The following TRPC4AP variants were observed in gnomAD, a reference collection of about 807,000 sequenced individuals.
TRPC4AP encodes short transient receptor potential channel 4-associated protein.
TRPC4AP carries 45 observed loss-of-function variants against 99.0 expected under a neutral mutation model. The observed-to-expected ratio is 0.45, with a 90% confidence interval of 0.36 to 0.58. TRPC4AP has a LOEUF of 0.58. TRPC4AP is among the 20% of genes least tolerant of loss of function. The pLI, the probability that TRPC4AP is intolerant of heterozygous loss-of-function variation, is 0.00. For synonymous variants in TRPC4AP, 408 were observed against 385.8 expected (o/e 1.06, Z -0.67); for missense variants, 879 against 985.3 (o/e 0.89, Z 1.44).
Position 35,024,518 on chromosome 20 carries a change from G to A in TRPC4AP, c.1052-3162C>T, listed in dbSNP as rs146268170. On this transcript the variant is annotated intron_variant, in intron 8 of 18. Coordinates refer to ENST00000252015, the MANE Select transcript of TRPC4AP (RefSeq NM_015638.3). ...TCCCTTTTATTGCTGAATAATATCC[G>A]CTAGTATAAATATATCACATTCTGG... 7.2e-5 allele frequency among the ~76,000 whole-genome samples: 11 copies of A among 152,050 alleles called. No individual in the cohort carries two copies. In the East Asian group the frequency reaches 1.9e-3, roughly 27 times the overall value.
At position 35,021,251 on chromosome 20, in the gene TRPC4AP, A is replaced by G. The variant is rs1296927342; in HGVS notation, c.1157T>C (p.Met386Thr). 4 of 1,614,178 alleles carry G rather than the reference A, an allele frequency of 2.5e-6. No individual in the cohort carries two copies. Among genetic ancestry groups the G allele is most frequent in the Non-Finnish European group, 2.5e-6 (3 of 1,180,024 alleles). Residue 386 changes from methionine (M) to threonine (T), a missense_variant, in exon 9 of 19, where the codon ATG becomes ACG. Coordinates refer to ENST00000252015, the MANE Select transcript of TRPC4AP (RefSeq NM_015638.3). ...GACATAGAGCACTTCCAGTTTGTAC[A>G]TGATCTCATGCATAATCTTCATTGA... is the stretch of plus-strand genomic sequence containing the variant. ...PQSMKIMHEI[M>T]YKLEVLYVLC...
intron 10 of TRPC4AP, among the ~76,000 whole-genome samples, chr20:35,014,397 AAC>A (rs2147280805): frequency 7.0e-6 from 1 of 141,962 alleles, no homozygotes; most frequent in East Asian, 2.1e-4. Context: ...AGCTCACTGC[AAC>A]CTCTGCCTCC....
At chr20:35,045,122 T>C (rs1033824955) in intron 6 of TRPC4AP, among the ~76,000 whole-genome samples, 24 of 152,224 alleles carry the variant, frequency 1.6e-4, no homozygotes, top group Non-Finnish European at 2.9e-4. Flanking sequence ...GGCCTCTGTG[T>C]ATCCCCCATC....
intron 5 of TRPC4AP, among the ~76,000 whole-genome samples, chr20:35,051,366 A>G (rs1046591603): frequency 6.6e-6 from 1 of 152,144 alleles, no homozygotes; most frequent in African/African-American, 2.4e-5. Context: ...ACTATTCACA[A>G]GTACGAATAT....
chr20:35,054,523 A>C (rs905337945), intron 5 of TRPC4AP, among the ~76,000 whole-genome samples: 4 of 152,156 alleles, frequency 2.6e-5, no homozygotes, highest in Non-Finnish European at 4.4e-5. Flanking sequence ...TTTCTACCAG[A>C]TTGCTTTCTT....
intron 9 of TRPC4AP, among the ~76,000 whole-genome samples, chr20:35,017,407 T>TAAG (rs2082779205): frequency 6.6e-6 from 1 of 152,204 alleles, no homozygotes; most frequent in Non-Finnish European, 1.5e-5. Context: ...GAGAGAGGCT[T>TAAG]CACTTATACT....
chr20:35,069,487 G>T, intron 2 of TRPC4AP, 75 bp from the exon 3 acceptor site: 1 of 934,298 alleles, frequency 1.1e-6, no homozygotes, highest in Non-Finnish European at 1.7e-6. Flanking sequence ...ATCAGTTTGA[G>T]CTTTAGTCCC....
chr20:35,032,765 C>T (rs1213027836), intron 8 of TRPC4AP, among the ~76,000 whole-genome samples: 1 of 152,186 alleles, frequency 6.6e-6, no homozygotes, highest in African/African-American at 2.4e-5. Flanking sequence ...AGCCAACGCG[C>T]CCAGCCCTTT....
chr20:35,056,817 TA>T (rs554363992), intron 4 of TRPC4AP, among the ~76,000 whole-genome samples: 87 of 143,578 alleles, frequency 6.1e-4, no homozygotes, highest in Admixed American at 4.9e-4. Flanking sequence ...CCATCTCTAC[TA>T]AAAAAAAAAA....
intron 3 of TRPC4AP, among the ~76,000 whole-genome samples, chr20:35,064,532 T>G (rs1285158445): frequency 6.6e-6 from 1 of 151,964 alleles, no homozygotes; most frequent in Non-Finnish European, 1.5e-5. Context: ...AGCAGCAGAT[T>G]AAAAATAAAA....
At chr20:35,070,093 C>T (rs2084264703) in intron 2 of TRPC4AP, among the ~76,000 whole-genome samples, 2 of 152,292 alleles carry the variant, frequency 1.3e-5, no homozygotes, top group South Asian at 4.1e-4. Context: ...CAGCCAGCAC[C>T]AACCTGCCAG....
chr20:35,089,483 T>C (rs1368734837), intron 1 of TRPC4AP, among the ~76,000 whole-genome samples: 1 of 151,732 alleles, frequency 6.6e-6, no homozygotes, highest in Non-Finnish European at 1.5e-5. Flanking sequence ...CATCCCATCT[T>C]GGTCTCCCAA....
At chr20:35,025,192 T>C (rs963131882) in intron 8 of TRPC4AP, among the ~76,000 whole-genome samples, 1 of 152,184 alleles carries the variant, frequency 6.6e-6, no homozygotes, top group Non-Finnish European at 1.5e-5. Flanking sequence ...TACTATATCA[T>C]TGTGGGGTTT....
At chr20:35,041,493 C>T (rs1247440759) in intron 7 of TRPC4AP, among the ~76,000 whole-genome samples, 1 of 152,084 alleles carries the variant, frequency 6.6e-6, no homozygotes, top group African/African-American at 2.4e-5. Flanking sequence ...CTAGGCTAGT[C>T]ACACAGATAT....
chr20:35,004,475 C>A lies in TRPC4AP; in HGVS notation c.2032G>T (p.Val678Leu). The A allele has an allele frequency of 6.2e-7, 1 of 1,613,778 alleles. No individual in the cohort carries two copies. Among genetic ancestry groups the A allele is most frequent in the Non-Finnish European group, 8.5e-7 (1 of 1,179,834 alleles). ...FLFRLINIIHVQTLTQENVSC... is the reference protein window; with the variant it reads ...FLFRLINIIHLQTLTQENVSC... ...CCTCTCACCTGGGTCAGCGTCTGCA[C>A]GTGGATGATGTTGATGAGGCGGAAG... The change falls in exon 17 of 19, where the codon GTG (valine) becomes TTG (leucine). Residue 678 changes from valine to leucine, a missense_variant. Physicochemically the swap from Val to Leu is conservative, Grantham distance 32. Coordinates refer to ENST00000252015, the MANE Select transcript of TRPC4AP (RefSeq NM_015638.3).
chr20:35,070,650 G>A (rs1354853414), intron 2 of TRPC4AP, among the ~76,000 whole-genome samples: 1 of 151,956 alleles, frequency 6.6e-6, no homozygotes, highest in Admixed American at 6.6e-5. Flanking sequence ...CACCCGCCTC[G>A]GCCTCCCAGA....
chr20:35,004,412 G>T (rs2082473256), intron 17 of TRPC4AP, 46 bp downstream of exon 17: 7 of 1,535,028 alleles, frequency 4.6e-6, no homozygotes, highest in Non-Finnish European at 6.2e-6. Flanking sequence ...AAAGGAAGTG[G>T]TTTCCAATCG....
chr20:35,027,654 T>C (rs898460040), intron 8 of TRPC4AP, among the ~76,000 whole-genome samples: 1 of 152,190 alleles, frequency 6.6e-6, no homozygotes, highest in African/African-American at 2.4e-5. Context: ...GGGCCAGGAC[T>C]TTTCTTTGTG....
At chr20:35,076,297 T>C (rs2146010703) in intron 2 of TRPC4AP, among the ~76,000 whole-genome samples, 1 of 152,342 alleles carries the variant, frequency 6.6e-6, no homozygotes, top group South Asian at 2.1e-4. Context: ...CTTTGTTCCG[T>C]TGCTGGTGAG....
Sources: gnomAD v4.1 joint callset for allele counts (sites outside exome capture counted in the v4.1 genomes callset) on GRCh38, gnomAD v4.1.1 for gene constraint, MANE v1.5 for transcripts, NCBI Gene and HGNC (gene_info 2026-07-23, HGNC 2026-07-21) for gene names.